Variants in CLIP4 observed in about 807,000 individuals in gnomAD.
CLIP4 encodes the protein CAP-Gly domain containing linker protein family member 4.
CLIP4 carries 47 observed loss-of-function variants against 73.1 expected under a neutral mutation model. The observed-to-expected ratio is 0.64, with a 90% CI of 0.51 to 0.82. The LOEUF (loss-of-function observed/expected upper bound fraction) is 0.82. Ranked by LOEUF, CLIP4 falls within the 40% of genes least tolerant of loss-of-function variation. The pLI is 0.00. For missense variants in CLIP4, 874 were observed against 852.9 expected (o/e 1.02, Z -0.31); for synonymous variants, 306 against 295.4 (o/e 1.04, Z -0.37).
chr2:29,149,419 T>TC (rs1363349886), intron 8 of CLIP4, among the ~76,000 whole-genome samples: 1 of 151,478 alleles, frequency 6.6e-6, no homozygotes, highest in Non-Finnish European at 1.5e-5. Flanking sequence ...TCTTTTTTTT[T>TC]TTTTTCTTTA....
At chr2:29,119,709 T>C (rs1263177456) in intron 1 of CLIP4, among the ~76,000 whole-genome samples, 1 of 152,170 alleles carries the variant, frequency 6.6e-6, no homozygotes, top group Non-Finnish European at 1.5e-5. Flanking sequence ...TTCCTAGTCA[T>C]ATCCCAAGTT....
intron 12 of CLIP4, 24 bp downstream of exon 12, chr2:29,160,491 A>G (rs1667216493): frequency 1.2e-6 from 2 of 1,611,672 alleles, no homozygotes; most frequent in African/African-American, 1.3e-5. Flanking sequence ...ATATTTTCTT[A>G]ACTTGAATTC....
intron 1 of CLIP4, among the ~76,000 whole-genome samples, chr2:29,106,296 A>C (rs1029368830): frequency 6.6e-6 from 1 of 152,196 alleles, no homozygotes; most frequent in Non-Finnish European, 1.5e-5. Context: ...CCTTATTTCC[A>C]TAACTAGATC....
intron 4 of CLIP4, chr2:29,132,553 A>C: frequency 3.3e-6 from 1 of 298,774 alleles, no homozygotes. Flanking sequence ...TGACAGTCCA[A>C]GGTCAGTCTT....
At chr2:29,133,849 T>A (rs1253062378) in intron 5 of CLIP4, 33 bp downstream of exon 5, 4 of 1,516,330 alleles carry the variant, frequency 2.6e-6, no homozygotes, top group Middle Eastern at 3.5e-4. Flanking sequence ...TAGATATTAT[T>A]AACTGAACAC....
chr2:29,163,127 A>C (rs1391279432), intron 12 of CLIP4, among the ~76,000 whole-genome samples: 1 of 152,084 alleles, frequency 6.6e-6, no homozygotes, highest in African/African-American at 2.4e-5. Flanking sequence ...ACCACATTTA[A>C]AGCAACCTTG....
At chr2:29,154,644 G>C (rs1666801191) in intron 9 of CLIP4, among the ~76,000 whole-genome samples, 1 of 152,198 alleles carries the variant, frequency 6.6e-6, no homozygotes, top group African/African-American at 2.4e-5. Context: ...GGAAATCATA[G>C]AGAGGAGGGG....
chr2:29,158,857 A>G (rs1667108342), intron 11 of CLIP4, among the ~76,000 whole-genome samples: 1 of 152,044 alleles, frequency 6.6e-6, no homozygotes. Context: ...GCAGCCTTCA[A>G]CTCCTGGACC....
intron 1 of CLIP4, among the ~76,000 whole-genome samples, chr2:29,106,210 T>C (rs1271310679): frequency 6.8e-6 from 1 of 147,158 alleles, no homozygotes; most frequent in Non-Finnish European, 1.5e-5. Context: ...ATGATACTTA[T>C]CTTATAGAAG....
chr2:29,134,835 T>C (rs1051678611), intron 5 of CLIP4, among the ~76,000 whole-genome samples: 1 of 152,216 alleles, frequency 6.6e-6, no homozygotes, highest in Non-Finnish European at 1.5e-5. Context: ...AGATTACTTT[T>C]CTCATTATGA....
At chr2:29,181,429 A>G in intron 15 of CLIP4, 143 bp from the exon 16 acceptor site, 1 of 711,076 alleles carries the variant, frequency 1.4e-6, no homozygotes, top group Non-Finnish European at 2.2e-6. Flanking sequence ...TTTAAAATTT[A>G]AAAATCAAGT....
chr2:29,182,020 A>G lies in CLIP4; in HGVS notation c.*127A>G, dbSNP rs116796330. ...TATAGTTATCTTCTTAAAAACCATT[A>G]TAACAATTCAGAGAGAGTTCTTTAC... On this transcript the variant is annotated 3_prime_UTR_variant, in exon 16 of 16. Coordinates refer to ENST00000320081, the MANE Select transcript of CLIP4 (RefSeq NM_024692.6). The G allele has an allele frequency of 3.6e-3, 2,681 of 737,290 alleles. 73 individuals carry two copies. The African/African-American group carries it at 0.043, about 12-fold the overall frequency. 45.7% of individuals were successfully genotyped at this position (737,290 alleles called of 1,614,324 possible).
chr2:29,121,107 A>G (rs1354396122), intron 1 of CLIP4, among the ~76,000 whole-genome samples: 3 of 152,154 alleles, frequency 2.0e-5, no homozygotes, highest in Non-Finnish European at 2.9e-5. Flanking sequence ...CTCAGCATTT[A>G]AAGTGTTTTC....
chr2:29,170,487 T>C (rs967677652), intron 14 of CLIP4, among the ~76,000 whole-genome samples: 2 of 152,352 alleles, frequency 1.3e-5, no homozygotes, highest in East Asian at 3.9e-4. Flanking sequence ...GTTCTTTGTA[T>C]ATTTTGAATA....
At chr2:29,161,672 G>A (rs997663329) in intron 12 of CLIP4, among the ~76,000 whole-genome samples, 9 of 152,118 alleles carry the variant, frequency 5.9e-5, no homozygotes, top group African/African-American at 2.2e-4. Flanking sequence ...GAGAGCGAGC[G>A]AGCCAGGTGT....
At chr2:29,121,269 T>G in intron 1 of CLIP4, 105 bp from the exon 2 acceptor site, 1 of 1,120,822 alleles carries the variant, frequency 8.9e-7, no homozygotes, top group Non-Finnish European at 1.2e-6. Flanking sequence ...ACTGAAAATG[T>G]CAGCAGATTT....
In CLIP4 at chr2:29,107,071, G is replaced by A. The variant is rs184420326; in HGVS notation, c.-16+9124G>A. 1.1e-4 allele frequency among the ~76,000 whole-genome samples: 17 copies of A among 152,194 alleles called. No homozygotes were observed. In the East Asian group the frequency reaches 3.1e-3, roughly 28 times the overall value. ...TAGTCTGTCAGTGGCTTTCTTTGGC[G>A]AGGAGAGTCATTTGATCCATTGTTG... On this transcript the variant is annotated intron_variant, in intron 1 of 14. Transcript: ENST00000401605.
At chr2:29,133,405 T>G (rs1665121676) in intron 4 of CLIP4, among the ~76,000 whole-genome samples, 1 of 152,098 alleles carries the variant, frequency 6.6e-6, no homozygotes, top group African/African-American at 2.4e-5. Context: ...CAATTTCTTA[T>G]TATACTTTTT....
chr2:29,146,525 C>T (rs1271965002), intron 8 of CLIP4, among the ~76,000 whole-genome samples: 1 of 152,210 alleles, frequency 6.6e-6, no homozygotes, highest in East Asian at 1.9e-4. Context: ...CTCACACACA[C>T]CTATCCTGTC....
Sources: allele counts gnomAD v4.1 joint callset (sites outside exome capture counted in the v4.1 genomes callset), GRCh38; gene constraint gnomAD v4.1.1; transcripts MANE v1.5; gene names NCBI Gene and HGNC (gene_info 2026-07-23, HGNC 2026-07-21).